Variants in PRDM16 observed in about 807,000 individuals in gnomAD.
PRDM16 encodes the protein histone-lysine N-methyltransferase PRDM16.
Under a neutral mutation model 110.6 loss-of-function variants are expected in PRDM16, and 23 were observed. The ratio of observed to expected loss-of-function variants is 0.21; its 90% CI spans 0.15 to 0.29. PRDM16 has a LOEUF of 0.29. PRDM16 is among the 10% of genes least tolerant of loss of function. The probability of loss-of-function intolerance (pLI) is 1.00; values close to 1 mark genes in which losing one functional copy is unlikely to be tolerated. For synonymous variants in PRDM16, 799 were observed against 781.8 expected (o/e 1.02, Z -0.37); for missense variants, 1,615 against 1,794.3 (o/e 0.90, Z 1.81).
chr1:3,242,023 T>C (rs1315079146), intron 2 of PRDM16, among the ~76,000 whole-genome samples: 1 of 152,154 alleles, frequency 6.6e-6, no homozygotes, highest in Non-Finnish European at 1.5e-5. Flanking sequence ...GCATTGGGAA[T>C]GGCTTGAATG....
At chr1:3,392,106 CCT>C (rs900950727) in intron 4 of PRDM16, among the ~76,000 whole-genome samples, 2 of 152,198 alleles carry the variant, frequency 1.3e-5, no homozygotes, top group Non-Finnish European at 2.9e-5. Flanking sequence ...AGCCCAACAT[CCT>C]CTCTCTCTCC....
intron 2 of PRDM16, among the ~76,000 whole-genome samples, chr1:3,220,592 T>C (rs1639129808): frequency 6.6e-6 from 1 of 152,170 alleles, no homozygotes; most frequent in Non-Finnish European, 1.5e-5. Context: ...TGGCCTGAAA[T>C]GCAACGGAAG....
At chr1:3,192,477 A>G (rs527482818) in intron 2 of PRDM16, among the ~76,000 whole-genome samples, 79 of 152,274 alleles carry the variant, frequency 5.2e-4, no homozygotes, top group African/African-American at 1.5e-3. Flanking sequence ...CAATTGGGCA[A>G]TCTCTTCATG....
chr1:3,330,271 GCAGA>G (rs1642016111), intron 3 of PRDM16, among the ~76,000 whole-genome samples: 1 of 152,226 alleles, frequency 6.6e-6, no homozygotes, highest in African/African-American at 2.4e-5. Context: ...GCCCTGGCTG[GCAGA>G]CAGAGCAGGA....
At position 3,390,918 on chromosome 1, in the gene PRDM16, C is replaced by T. The variant is rs908309989; in HGVS notation, c.574-5573C>T. On this transcript the variant is annotated intron_variant, in intron 4 of 16. Transcript: ENST00000270722. The surrounding 1 kb of genome is among the most constrained non-coding windows in gnomAD (Gnocchi z 5.0). ...TAGCACAATCTCGGCTCACTGCAAC[C>T]TCCGCCTCCCGGGTTCAAGCGATTC... 6.6e-6 allele frequency among the ~76,000 whole-genome samples: 1 copy of T among 151,180 alleles called. No homozygotes were observed.
At chr1:3,152,640 G>T (rs1643797579) in intron 1 of PRDM16, among the ~76,000 whole-genome samples, 1 of 152,236 alleles carries the variant, frequency 6.6e-6, no homozygotes, top group Admixed American at 6.5e-5. Context: ...TCCCCATGAG[G>T]TCTCTAAGAG....
intron 2 of PRDM16, among the ~76,000 whole-genome samples, chr1:3,228,869 G>A (rs1285390365): frequency 4.6e-5 from 7 of 152,200 alleles, no homozygotes; most frequent in Non-Finnish European, 8.8e-5. Context: ...TCACCGCCAC[G>A]GGCAGTGCTT....
chr1:3,414,523 C>T (rs1643747033), intron 9 of PRDM16, 37 bp from the exon 10 acceptor site: 1 of 1,537,406 alleles, frequency 6.5e-7, no homozygotes, highest in Non-Finnish European at 8.9e-7. Context: ...GGGCGGGCGG[C>T]TCGGTGGGGT....
intron 3 of PRDM16, among the ~76,000 whole-genome samples, chr1:3,287,372 C>A (rs1163620091): frequency 1.0e-5 from 1 of 96,318 alleles, no homozygotes; most frequent in African/African-American, 4.1e-5. Flanking sequence ...CGCCCCGCCA[C>A]GCGGGCATCC....
chr1:3,071,188 G>T (rs1338293857), intron 1 of PRDM16, among the ~76,000 whole-genome samples: 1 of 152,260 alleles, frequency 6.6e-6, no homozygotes, highest in Non-Finnish European at 1.5e-5. Context: ...CGGGGCCTTC[G>T]CTGCAAGCGA....
In PRDM16 at chr1:3,108,729, G is replaced by C. The variant is rs1642720372; in HGVS notation, c.37+39433G>C. Among the ~76,000 whole-genome samples, 3 of 152,326 alleles carry C rather than the reference G, an allele frequency of 2.0e-5. No individual in the cohort carries two copies. The South Asian group carries it at 6.2e-4, about 32-fold the overall frequency. ...CCGAGTGGCCCTGAGATGGGAGCTG[G>C]TGCCAGATGTCTGTTCCCTTCCTGT... is the stretch of plus-strand genomic sequence containing the variant. On this transcript the variant is annotated intron_variant, in intron 1 of 16. Coordinates refer to ENST00000270722, the MANE Select transcript of PRDM16 (RefSeq NM_022114.4).
rs1195922981 is a variant in PRDM16, at chr1:3,390,921, C to T, written c.574-5570C>T. Among the ~76,000 whole-genome samples the T allele has an allele frequency of 7.3e-5, 11 of 151,620 alleles. No individual in the cohort carries two copies. Among genetic ancestry groups the T allele is most frequent in the Non-Finnish European group, 1.3e-4 (9 of 67,948 alleles). Reference sequence around the variant, plus strand: ...CACAATCTCGGCTCACTGCAACCTCCGCCTCCCGGGTTCAAGCGATTCTCC... The same window carrying T: ...CACAATCTCGGCTCACTGCAACCTCTGCCTCCCGGGTTCAAGCGATTCTCC... On this transcript the variant is annotated intron_variant, in intron 4 of 16. Transcript: ENST00000270722. The surrounding 1 kb of genome is among the most constrained non-coding windows in gnomAD (Gnocchi z 5.0).
intron 3 of PRDM16, among the ~76,000 whole-genome samples, chr1:3,301,344 A>G (rs1453330784): frequency 7.0e-6 from 1 of 143,144 alleles, no homozygotes; most frequent in Non-Finnish European, 1.5e-5. Flanking sequence ...AAAAAAAAAA[A>G]AAAAAGAAAA....
Position 3,419,233 on chromosome 1 carries a change from C to A in PRDM16, c.2939+489C>A, listed in dbSNP as rs1017469806. Among the ~76,000 whole-genome samples, 173 of 152,274 alleles carry A rather than the reference C, an allele frequency of 1.1e-3. 1 individual carries two copies. The highest frequency in any genetic ancestry group is 3.8e-3 in the African/African-American group (157 of 41,520). On this transcript the variant is annotated intron_variant, in intron 12 of 16. Coordinates refer to ENST00000270722, the MANE Select transcript of PRDM16 (RefSeq NM_022114.4). ...CGTGCAAATGCGGGTCCCCACCCCC[C>A]ACTTGGAGCCCACTGAGGGATTCCA... is the stretch of plus-strand genomic sequence containing the variant.
At position 3,342,916 on chromosome 1, in the gene PRDM16, A is replaced by C. The variant is rs147233041; in HGVS notation, c.439-42236A>C. ...CCTAGGCATGGGCGTTTTGGGTTGT[A>C]TCAGATGTGGGCTATTACAGATAAA... On this transcript the variant is annotated intron_variant, in intron 3 of 16. Coordinates refer to ENST00000270722, the MANE Select transcript of PRDM16 (RefSeq NM_022114.4). Among the ~76,000 whole-genome samples the C allele has an allele frequency of 4.6e-3, 704 of 152,290 alleles. 7 individuals are homozygous for C. Among genetic ancestry groups the C allele is most frequent in the African/African-American group, 0.016 (645 of 41,546 alleles).
intron 14 of PRDM16, among the ~76,000 whole-genome samples, chr1:3,430,271 C>T (rs11805423): frequency 0.021 from 3,250 of 152,242 alleles, 97 homozygotes; most frequent in African/African-American, 0.073. Flanking sequence ...GGGGTCCTGC[C>T]GGGCTGCAGT....
intron 3 of PRDM16, among the ~76,000 whole-genome samples, chr1:3,276,967 C>A (rs36137480): frequency 6.6e-6 from 1 of 152,098 alleles, no homozygotes; most frequent in Non-Finnish European, 1.5e-5. Flanking sequence ...GCCTCTCGTC[C>A]CCGTGGTGTT....
At chr1:3,091,940 A>C (rs1642286858) in intron 1 of PRDM16, among the ~76,000 whole-genome samples, 1 of 152,190 alleles carries the variant, frequency 6.6e-6, no homozygotes, top group South Asian at 2.1e-4. Flanking sequence ...ACCTGCCAGG[A>C]AAATCAATGG....
At position 3,212,604 on chromosome 1, in the gene PRDM16, C is replaced by T. The variant is rs572984340; in HGVS notation, c.387+26130C>T. Among the ~76,000 whole-genome samples, 32 of 147,050 alleles carry T rather than the reference C, an allele frequency of 2.2e-4. 1 individual carries two copies. The South Asian group carries it at 6.4e-3, about 30-fold the overall frequency. ...GAATGGAGGCCCCCGCTCATCCTCC[C>T]GGCCCCCTCGCTGAGGTCCTCCCGC... On this transcript the variant is annotated intron_variant, in intron 2 of 16. Transcript: ENST00000270722.
Sources: gnomAD v4.1 joint callset for allele counts (sites outside exome capture counted in the v4.1 genomes callset) on GRCh38, gnomAD v4.1.1 for gene constraint, Gnocchi (gnomAD v3.1) non-coding constraint, MANE v1.5 for transcripts, NCBI Gene and HGNC (gene_info 2026-07-23, HGNC 2026-07-21) for gene names.